NRG3: variants seen among roughly 807,000 people sequenced by gnomAD.
The protein encoded by NRG3 is pro-neuregulin-3, membrane-bound isoform.
NRG3 carries 31 observed loss-of-function variants against 66.9 expected under a neutral mutation model. The observed-to-expected ratio is 0.46, with a 90% CI of 0.35 to 0.63. The LOEUF (loss-of-function observed/expected upper bound fraction) is 0.63. Ranked by LOEUF, NRG3 falls within the 20% of genes least tolerant of loss-of-function variation. NRG3 has a pLI of 0.00. For missense variants in NRG3, 910 were observed against 878.9 expected (o/e 1.04, Z -0.45); for synonymous variants, 393 against 359.4 (o/e 1.09, Z -1.06).
At chr10:82,896,466 T>C (rs913091212) in intron 4 of NRG3, among the ~76,000 whole-genome samples, 6 of 152,210 alleles carry the variant, frequency 3.9e-5, no homozygotes, top group Non-Finnish European at 8.8e-5. Context: ...TGACTGTGAA[T>C]GAATTTGTGG....
At chr10:82,415,714 A>G (rs2088506753) in intron 2 of NRG3, among the ~76,000 whole-genome samples, 1 of 152,162 alleles carries the variant, frequency 6.6e-6, no homozygotes, top group African/African-American at 2.4e-5. Flanking sequence ...GTTCTGTGAC[A>G]AAGTTTATTT....
chr10:82,232,810 C>T (rs1316423123), intron 1 of NRG3: 1 of 717,218 alleles, frequency 1.4e-6, no homozygotes, highest in East Asian at 2.7e-5. Context: ...GAGGCAGAAA[C>T]AGGAGCAAGG....
intron 1 of NRG3, among the ~76,000 whole-genome samples, chr10:82,092,198 TCAA>T (rs984909178): frequency 1.4e-4 from 21 of 152,132 alleles, no homozygotes; most frequent in African/African-American, 5.1e-4. Context: ...CATCTCAGGG[TCAA>T]CAAGTATCTT....
intron 1 of NRG3, among the ~76,000 whole-genome samples, chr10:81,952,590 G>A (rs185096763): frequency 1.3e-5 from 2 of 151,928 alleles, no homozygotes; most frequent in Admixed American, 1.3e-4. Flanking sequence ...TGGCACCCCA[G>A]TTAGTTCATT....
chr10:82,471,589 A>G (rs1289043544), intron 2 of NRG3, among the ~76,000 whole-genome samples: 1 of 152,192 alleles, frequency 6.6e-6, no homozygotes. Flanking sequence ...CTTCAGGGAA[A>G]ATTAAAACTG....
chr10:82,467,278 A>AT lies in NRG3; in HGVS notation c.953+108413dup, dbSNP rs1359897401. On this transcript the variant is annotated intron_variant, in intron 2 of 8. Coordinates refer to ENST00000372141, the MANE Select transcript of NRG3 (RefSeq NM_001010848.4). Reference sequence around the variant, plus strand: ...TGGCAGGGAAAATTGTGAAGTATTAATTTACATTTATGCATTTCCTCTTGC... The same window carrying AT: ...TGGCAGGGAAAATTGTGAAGTATTAATTTTACATTTATGCATTTCCTCTTGC... Among the ~76,000 whole-genome samples the AT allele has an allele frequency of 2.0e-5, 3 of 152,168 alleles. No individual in the cohort carries two copies. In the East Asian group the frequency reaches 5.8e-4, roughly 29 times the overall value.
chr10:82,409,425 G>A (rs1293324338), intron 2 of NRG3, among the ~76,000 whole-genome samples: 1 of 152,080 alleles, frequency 6.6e-6, no homozygotes, highest in Admixed American at 6.6e-5. Flanking sequence ...CATGATTTGG[G>A]GAGTGGAAAG....
intron 2 of NRG3, among the ~76,000 whole-genome samples, chr10:82,723,266 G>A (rs182322715): frequency 1.6e-3 from 238 of 152,218 alleles, no homozygotes; most frequent in African/African-American, 5.4e-3. Context: ...TGAACAATGG[G>A]TTTACATGGA....
chr10:82,647,444 G>A (rs1371271635), intron 2 of NRG3, among the ~76,000 whole-genome samples: 1 of 152,158 alleles, frequency 6.6e-6, no homozygotes, highest in African/African-American at 2.4e-5. Context: ...TTGCTATTGT[G>A]AATAGAGCTG....
At chr10:82,690,775 T>C (rs1433083130) in intron 2 of NRG3, among the ~76,000 whole-genome samples, 1 of 152,208 alleles carries the variant, frequency 6.6e-6, no homozygotes, top group East Asian at 1.9e-4. Flanking sequence ...CCTTATTTCA[T>C]TGTATTTCTT....
At chr10:82,039,854 T>C (rs1276809230) in intron 1 of NRG3, among the ~76,000 whole-genome samples, 1 of 152,144 alleles carries the variant, frequency 6.6e-6, no homozygotes, top group African/African-American at 2.4e-5. Context: ...AGGTCACCTC[T>C]TCAATCCTTC....
chr10:82,730,088 C>CT (rs531254299), intron 2 of NRG3, among the ~76,000 whole-genome samples: 4,114 of 132,626 alleles, frequency 0.031, 139 homozygotes, highest in African/African-American at 0.074. Flanking sequence ...TTTTTTTTTC[C>CT]TTTTTTTTTT....
intron 2 of NRG3, among the ~76,000 whole-genome samples, chr10:82,667,006 T>G (rs2052843170): frequency 6.6e-6 from 1 of 152,184 alleles, no homozygotes; most frequent in Non-Finnish European, 1.5e-5. Context: ...CTTTGGGAGT[T>G]TGAACAGCAC....
chr10:82,119,039 T>C (rs2067909097), intron 1 of NRG3, among the ~76,000 whole-genome samples: 1 of 152,214 alleles, frequency 6.6e-6, no homozygotes, highest in Admixed American at 6.5e-5. Flanking sequence ...TGACAACTTA[T>C]AATTTCATGT....
intron 4 of NRG3, among the ~76,000 whole-genome samples, chr10:82,903,653 T>G (rs1844448627): frequency 1.3e-5 from 2 of 152,168 alleles, no homozygotes; most frequent in Admixed American, 1.3e-4. Flanking sequence ...CCTTATGACT[T>G]CCTTAAGAAC....
intron 4 of NRG3, among the ~76,000 whole-genome samples, chr10:82,915,592 T>G (rs1342861010): frequency 6.6e-6 from 1 of 152,114 alleles, no homozygotes; most frequent in Non-Finnish European, 1.5e-5. Flanking sequence ...CTATTTGCTG[T>G]GGCAATAATA....
chr10:82,142,329 A>C (rs1485692723), intron 1 of NRG3, among the ~76,000 whole-genome samples: 1 of 152,190 alleles, frequency 6.6e-6, no homozygotes, highest in Non-Finnish European at 1.5e-5. Context: ...ACAAACAGCA[A>C]GAAGGAGTGG....
chr10:82,350,009 G>C (rs772309180), intron 1 of NRG3, among the ~76,000 whole-genome samples: 1 of 152,106 alleles, frequency 6.6e-6, no homozygotes, highest in Non-Finnish European at 1.5e-5. Flanking sequence ...ATGGAAATGC[G>C]GAAATCACCG....
At chr10:82,187,461 G>C (rs2073873779) in intron 1 of NRG3, among the ~76,000 whole-genome samples, 1 of 152,118 alleles carries the variant, frequency 6.6e-6, no homozygotes, top group Admixed American at 6.6e-5. Flanking sequence ...TTCATAGTTT[G>C]CTGTTAATCA....
Sources: gnomAD v4.1 joint callset for allele counts (sites outside exome capture counted in the v4.1 genomes callset) on GRCh38, gnomAD v4.1.1 for gene constraint, MANE v1.5 for transcripts, NCBI Gene and HGNC (gene_info 2026-07-23, HGNC 2026-07-21) for gene names.